The following TNXB variants were observed in gnomAD, a reference collection of about 807,000 sequenced individuals.
TNXB encodes tenascin-X.
TNXB carries 183 observed loss-of-function variants against 340.5 expected under a neutral mutation model. The observed-to-expected ratio is 0.54, with a 90% confidence interval of 0.48 to 0.61. TNXB has a LOEUF of 0.61. Among genes scored for constraint, TNXB ranks in the 20% least tolerant of loss-of-function variants. The pLI, the probability that TNXB is intolerant of heterozygous loss-of-function variation, is 0.00. For synonymous variants in TNXB, 2,121 were observed against 2,314.5 expected (o/e 0.92, Z 2.40); for missense variants, 4,613 against 5,446.4 (o/e 0.85, Z 4.82).
chr6:32,066,545 C>T (rs920141301), intron 18 of TNXB, among the ~76,000 whole-genome samples: 2 of 152,204 alleles, frequency 1.3e-5, no homozygotes, highest in Non-Finnish European at 2.9e-5. Context: ...TCCATTTATA[C>T]GAAATGTTCT....
chr6:32,101,688 G>A (rs539218646), intron 1 of TNXB, among the ~76,000 whole-genome samples: 18 of 148,770 alleles, frequency 1.2e-4, no homozygotes, highest in African/African-American at 4.2e-4. Context: ...GCCTCCCAAA[G>A]TTATTAGGAT....
Position 32,056,594 on chromosome 6 carries a change from C to G in TNXB, c.8135G>C (p.Gly2712Ala). The G allele has an allele frequency of 6.2e-7, 1 of 1,613,012 alleles. No homozygotes were observed. The highest frequency in any genetic ancestry group is 2.2e-5 in the East Asian group (1 of 44,876). Residue 2712 changes from glycine to alanine, a missense_variant, in exon 23 of 44, where the codon GGG becomes GCG. Physicochemically the swap from Gly to Ala is moderately conservative, Grantham distance 60. Around this residue, in one of 7 missense-constraint regions of TNXB, gnomAD observed 4,327 missense variants for 4,859.4 expected, o/e 0.89. Coordinates refer to ENST00000644971, the MANE Select transcript of TNXB (RefSeq NM_001365276.2). Reference sequence around the variant, plus strand: ...TGCCATCATCCACTCACCCGTCACCCCAATGACAGAGATGGGGCCCACGCG... The same window carrying G: ...TGCCATCATCCACTCACCCGTCACCGCAATGACAGAGATGGGGCCCACGCG... ...GQRVGPISVI[G>A]VTAAEEETPS...
chr6:32,081,845 C>T lies in TNXB; in HGVS notation c.3737-172G>A, dbSNP rs552717393. On this transcript the variant is annotated intron_variant, in intron 9 of 43. Transcript: ENST00000644971. This position sits in a 1 kb window ranked among gnomAD's most constrained non-coding sequence, Gnocchi z 5.1. ...AGGGTATGACACACCTTCTGGGCCACGGGGAGCTGCTGCTTGGGATGGAAG... is the reference window on the plus strand; with the variant it reads ...AGGGTATGACACACCTTCTGGGCCATGGGGAGCTGCTGCTTGGGATGGAAG... 3.3e-5 allele frequency among the ~76,000 whole-genome samples: 5 copies of T among 152,166 alleles called. No homozygotes were observed. Among genetic ancestry groups the T allele is most frequent in the East Asian group, 1.9e-4 (1 of 5,160 alleles).
rs994227252 is a variant in TNXB, at chr6:32,075,188, C to T, written c.4376-1236G>A. ...AGGTCATCGCCTTCTGCCCTCACCC[C>T]CCTTTAGTCTGTTGGGTCTGCAGCC... On this transcript the variant is annotated intron_variant, in intron 11 of 43. Transcript: ENST00000644971. The surrounding 1 kb of genome is among the most constrained non-coding windows in gnomAD (Gnocchi z 4.6). Among the ~76,000 whole-genome samples the T allele has an allele frequency of 6.6e-6, 1 of 152,240 alleles. No individual in the cohort carries two copies. The highest frequency in any genetic ancestry group is 2.4e-5 in the African/African-American group (1 of 41,452).
intron 11 of TNXB, chr6:32,078,402 C>T (rs1052667709): frequency 1.4e-5 from 2 of 143,994 alleles, no homozygotes; most frequent in Admixed American, 1.4e-4. Flanking sequence ...GAGCTGAGAT[C>T]GCACCACTGC....
At chr6:32,091,381 A>T (rs1780067835) in intron 4 of TNXB, among the ~76,000 whole-genome samples, 1 of 151,938 alleles carries the variant, frequency 6.6e-6, no homozygotes, top group Non-Finnish European at 1.5e-5. Flanking sequence ...AAGTGCTGGG[A>T]TTACAGGCGT....
In TNXB at chr6:32,072,419, C is replaced by T. The variant is rs979328517; in HGVS notation, c.4682-121G>A. The T allele has an allele frequency of 1.1e-5, 8 of 739,838 alleles. No individual in the cohort carries two copies. Among genetic ancestry groups the T allele is most frequent in the African/African-American group, 1.7e-5 (1 of 57,190 alleles). The allele number at this position is 739,838 out of a possible 1,614,324, so 45.8% of individuals were successfully genotyped here. ...AATAGTTACACCTTTACTTCCAGAC[C>T]TCTAACTGAAATGCAGCATTTCTTT... On this transcript the variant is annotated intron_variant, in intron 12 of 43. Coordinates refer to ENST00000644971, the MANE Select transcript of TNXB (RefSeq NM_001365276.2). This position sits in a 1 kb window ranked among gnomAD's most constrained non-coding sequence, Gnocchi z 4.4.
intron 1 of TNXB, among the ~76,000 whole-genome samples, chr6:32,103,336 G>A (rs1365329126): frequency 2.6e-5 from 4 of 151,398 alleles, no homozygotes; most frequent in African/African-American, 4.9e-5. Context: ...AGGCTGAGGC[G>A]GGAGAATCGC....
In TNXB at chr6:32,079,294, C is replaced by G; in HGVS notation, c.4114G>C (p.Glu1372Gln). ...ACTGTCAGCTCCCCCAGGAGCGGCTCCTCGGGGGACTCCGGGGCCTCCGTG... is the reference window on the plus strand; with the variant it reads ...ACTGTCAGCTCCCCCAGGAGCGGCTGCTCGGGGGACTCCGGGGCCTCCGTG... Reference protein sequence around the residue: ...LGTEAPESPEEPLLGELTVTG... With the variant: ...LGTEAPESPEQPLLGELTVTG... The change falls in exon 11 of 44, where the codon GAG becomes CAG. Residue 1372 changes from glutamate (E) to glutamine (Q), a missense_variant. This residue lies in a region of TNXB where 4,327 missense variants were observed against 4,859.4 expected (regional missense o/e 0.89). Transcript: ENST00000644971. This position sits in a 1 kb window ranked among gnomAD's most constrained non-coding sequence, Gnocchi z 7.1. 6.2e-7 allele frequency: 1 copy of G among 1,613,046 alleles called. No individual in the cohort carries two copies. Among genetic ancestry groups the G allele is most frequent in the Non-Finnish European group, 8.5e-7 (1 of 1,179,838 alleles).
At chr6:32,099,784 T>G (rs1434607769) in intron 1 of TNXB, among the ~76,000 whole-genome samples, 1 of 151,420 alleles carries the variant, frequency 6.6e-6, no homozygotes, top group Non-Finnish European at 1.5e-5. Flanking sequence ...TATCAAGACT[T>G]ATTTTAAAGG....
At position 32,098,019 on chromosome 6, in the gene TNXB, G is replaced by T. The variant is rs943965548; in HGVS notation, c.180C>A (p.Tyr60Ter). The T allele has an allele frequency of 6.2e-7, 1 of 1,607,300 alleles. No individual in the cohort carries two copies. Among genetic ancestry groups the T allele is most frequent in the East Asian group, 2.2e-5 (1 of 44,878 alleles). ...TCTCCCCTCCTTCCACTGTGTGCTC[G>T]TAAAGCTGAGAAGAGGGGCTTCCCA... ...AGVGSPSSQL[Y>*]EHTVEGGEKQ... Residue 60 changes from tyrosine (Y) to a stop codon, truncating the protein, a stop_gained, in exon 2 of 44, where the codon TAC becomes TAA. Transcript: ENST00000644971. LOFTEE classifies it high-confidence loss of function.
chr6:32,096,430 G>T lies in TNXB; in HGVS notation c.1423C>A (p.Arg475Ser), dbSNP rs750137012. Reference sequence around the variant, plus strand: ...CACATGCAGCGGCCACTCTCACAGCGGCCCCGGCCACGACAGTCCCCAGGA... The same window carrying T: ...CACATGCAGCGGCCACTCTCACAGCTGCCCCGGCCACGACAGTCCCCAGGA... The part of the protein sequence containing the change: ...SCPGDCRGRG[R>S]CESGRCMCWP... Residue 475 changes from arginine (R) to serine (S), a missense_variant, in exon 3 of 44, where the codon CGC becomes AGC. Physicochemically the swap from Arg to Ser is moderately radical, Grantham distance 110. Around this residue, in one of 7 missense-constraint regions of TNXB, gnomAD observed 4,327 missense variants for 4,859.4 expected, o/e 0.89. Transcript: ENST00000644971. 1.3e-6 allele frequency: 2 copies of T among 1,594,452 alleles called. No homozygotes were observed. Among genetic ancestry groups the T allele is most frequent in the South Asian group, 2.2e-5 (2 of 89,814 alleles).
intron 23 of TNXB, 26 bp downstream of exon 23, chr6:32,056,560 C>T (rs1777657577): frequency 1.2e-6 from 2 of 1,610,918 alleles, no homozygotes; most frequent in Admixed American, 1.7e-5. Flanking sequence ...ACGGCTCCCA[C>T]CCTGGGGCTG....
rs1232819120 is a variant in TNXB, at chr6:32,079,420, A to T, written c.4043-55T>A. The T allele has an allele frequency of 7.1e-7, 1 of 1,410,558 alleles. No homozygotes were observed. The highest frequency in any genetic ancestry group is 1.4e-5 in the African/African-American group (1 of 70,040). The allele number at this position is 1,410,558 out of a possible 1,614,324, so 87.4% of individuals were successfully genotyped here. A position where few individuals can be genotyped will look rare whatever the true frequency, so the allele number is the denominator to read the frequency against. Reference sequence around the variant, plus strand: ...TGCTGGCTTTGCTGCTGCTGCCCACAGATGACAGCCATGGAAATGCCCTTA... The same window carrying T: ...TGCTGGCTTTGCTGCTGCTGCCCACTGATGACAGCCATGGAAATGCCCTTA... On this transcript the variant is annotated intron_variant, in intron 10 of 43. Coordinates refer to ENST00000644971, the MANE Select transcript of TNXB (RefSeq NM_001365276.2). This position sits in a 1 kb window ranked among gnomAD's most constrained non-coding sequence, Gnocchi z 7.1.
rs764409379 is a variant in TNXB at position 32,097,241 on chromosome 6, G to T, written c.612C>A (p.Cys204Ter). 1.6e-5 allele frequency: 25 copies of T among 1,607,364 alleles called. No homozygotes were observed. Among genetic ancestry groups the T allele is most frequent in the Non-Finnish European group, 2.0e-5 (24 of 1,177,100 alleles). The change falls in exon 3 of 44, where the codon TGC (cysteine) becomes TGA (stop). Residue 204 changes from cysteine to a stop codon, truncating the protein, a stop_gained. Transcript: ENST00000644971. LOFTEE classifies it high-confidence loss of function. The surrounding 1 kb of genome is among the most constrained non-coding windows in gnomAD (Gnocchi z 5.9). ...QGRCVRGRCV[C>*]FPGYTGPSCG... is the part of the protein sequence containing the mutation. Reference sequence around the variant, plus strand: ...AGCTGGGGCCAGTGTAGCCGGGAAAGCACACGCAACGACCACGGACACAGC... The same window carrying T: ...AGCTGGGGCCAGTGTAGCCGGGAAATCACACGCAACGACCACGGACACAGC...
rs192451973 is a variant in TNXB, at chr6:32,108,598, T to G, written c.-9+583A>C. Among the ~76,000 whole-genome samples the G allele has an allele frequency of 6.6e-6, 1 of 152,198 alleles. No homozygotes were observed. Among genetic ancestry groups the G allele is most frequent in the Non-Finnish European group, 1.5e-5 (1 of 67,990 alleles). Reference sequence around the variant, plus strand: ...AGTCCTGACTGTCCCATTTCAGTATTTCCTAAAGAGATCTCCCAGACCTCC... The same window carrying G: ...AGTCCTGACTGTCCCATTTCAGTATGTCCTAAAGAGATCTCCCAGACCTCC... On this transcript the variant is annotated intron_variant, in intron 1 of 43. Coordinates refer to ENST00000644971, the MANE Select transcript of TNXB (RefSeq NM_001365276.2). The surrounding 1 kb of genome is among the most constrained non-coding windows in gnomAD (Gnocchi z 4.8).
chr6:32,098,344 C>T (rs1409513595), intron 1 of TNXB, 138 bp from the exon 2 acceptor site: 14 of 674,386 alleles, frequency 2.1e-5, no homozygotes, highest in Non-Finnish European at 3.0e-5. Flanking sequence ...ATTCACATTC[C>T]GCCCAACCCT....
In TNXB at chr6:32,079,006, C is replaced by A; in HGVS notation, c.4375+27G>T. The A allele has an allele frequency of 1.3e-6, 2 of 1,595,600 alleles. No homozygotes were observed. The highest frequency in any genetic ancestry group is 1.1e-5 in the South Asian group (1 of 89,882). On this transcript the variant is annotated intron_variant, in intron 11 of 43. Coordinates refer to ENST00000644971, the MANE Select transcript of TNXB (RefSeq NM_001365276.2). The surrounding 1 kb of genome is among the most constrained non-coding windows in gnomAD (Gnocchi z 7.1). Reference sequence around the variant, plus strand: ...CTGGGAGCCAGCAGTGGGAGGGAACCAAAGCAGGCCCCTGCCCCTCACTCA... The same window carrying A: ...CTGGGAGCCAGCAGTGGGAGGGAACAAAAGCAGGCCCCTGCCCCTCACTCA...
At chr6:32,048,718 C>A in intron 28 of TNXB, 68 bp from the exon 29 acceptor site, 1 of 1,349,840 alleles carries the variant, frequency 7.4e-7, no homozygotes, top group South Asian at 2.4e-5. Flanking sequence ...AGTGCTCTCC[C>A]AGGACTGGAG....
Sources: gnomAD v4.1 joint callset for allele counts (sites outside exome capture counted in the v4.1 genomes callset) on GRCh38, gnomAD v4.1.1 for gene constraint, gnomAD v4.1.1 regional missense constraint, Gnocchi (gnomAD v3.1) non-coding constraint, MANE v1.5 for transcripts, NCBI Gene and HGNC (gene_info 2026-07-23, HGNC 2026-07-21) for gene names.